The following ZNF292 variants were observed in gnomAD, a reference collection of about 807,000 sequenced individuals.
ZNF292 encodes the protein zinc finger protein 292.
In ZNF292, 26 loss-of-function variants were observed where a neutral mutation model predicts 217.9. That is an observed-to-expected ratio of 0.12 (90% CI 0.09 to 0.17). The LOEUF (loss-of-function observed/expected upper bound fraction) is 0.17, where lower values mean the gene tolerates loss of function less well. Among genes scored for constraint, ZNF292 ranks in the 10% least tolerant of loss-of-function variants. The probability of loss-of-function intolerance (pLI) is 1.00; values close to 1 mark genes in which losing one functional copy is unlikely to be tolerated. For missense variants in ZNF292, 2,904 were observed against 3,175.2 expected (o/e 0.91, Z 2.05); for synonymous variants, 1,257 against 1,124.1 (o/e 1.12, Z -2.37).
intron 1 of ZNF292, among the ~76,000 whole-genome samples, chr6:87,180,386 G>C (rs538565074): frequency 1.3e-5 from 2 of 152,022 alleles, no homozygotes; most frequent in South Asian, 2.1e-4. Flanking sequence ...CAGTAGTGTG[G>C]CTATGGATAT....
chr6:87,218,225 TTTA>T (rs1772887601), intron 3 of ZNF292, among the ~76,000 whole-genome samples: 1 of 152,174 alleles, frequency 6.6e-6, no homozygotes, highest in African/African-American at 2.4e-5. Flanking sequence ...TGCAAATCTT[TTTA>T]TTAATGGTAG....
rs920463275 is a variant in ZNF292, at chr6:87,260,089, A to C, written c.6460A>C (p.Ser2154Arg). 5.6e-6 allele frequency: 9 copies of C among 1,613,488 alleles called. No individual in the cohort carries two copies. Among genetic ancestry groups the C allele is most frequent in the Non-Finnish European group, 7.6e-6 (9 of 1,179,648 alleles). ...ATTTTCAGCAGAGGTCGAAGAGGAA[A>C]GTGAAGCTGGTAAAGAAAGTGAAGA... ...PAFSAEVEEE[S>R]EAGKESEETE... Residue 2154 changes from serine (S) to arginine (R), a missense_variant, in exon 8 of 8, where the codon AGT (serine) becomes CGT (arginine). By Grantham distance (110) the Ser-to-Arg change is moderately radical. This residue lies in a region of ZNF292 where 261 missense variants were observed against 272.8 expected (regional missense o/e 0.96). Transcript: ENST00000369577.
chr6:87,157,045 T>C (rs1770566657), intron 1 of ZNF292, among the ~76,000 whole-genome samples: 1 of 152,238 alleles, frequency 6.6e-6, no homozygotes. Flanking sequence ...TAGATTACAT[T>C]TTCACTTATT....
At chr6:87,243,702 T>C in intron 6 of ZNF292, 91 bp downstream of exon 6, 1 of 1,199,324 alleles carries the variant, frequency 8.3e-7, no homozygotes, top group Non-Finnish European at 1.1e-6. Context: ...GAACATAATT[T>C]AAAATCTTTT....
chr6:87,244,424 G>C (rs1774465139), intron 6 of ZNF292, among the ~76,000 whole-genome samples: 1 of 152,238 alleles, frequency 6.6e-6, no homozygotes, highest in Non-Finnish European at 1.5e-5. Flanking sequence ...ATGAAAATCA[G>C]TGATGACTAA....
Position 87,186,409 on chromosome 6 carries a change from C to CCT in ZNF292, c.169-29491_169-29490dup, listed in dbSNP as rs538472672. On this transcript the variant is annotated intron_variant, in intron 1 of 7. Coordinates refer to ENST00000369577, the MANE Select transcript of ZNF292 (RefSeq NM_015021.3). ...TTTCATTCCCTCTTAGTTCTCCAGT[C>CCT]CTCTTTCTCAAGTAGCTGATGTTCT... is the stretch of plus-strand genomic sequence containing the variant. Among the ~76,000 whole-genome samples the CCT allele has an allele frequency of 1.0e-3, 157 of 152,326 alleles. 1 individual carries two copies. The highest frequency in any genetic ancestry group is 3.6e-3 in the African/African-American group (151 of 41,564).
chr6:87,223,748 C>G (rs987307994), intron 4 of ZNF292: 3 of 152,032 alleles, frequency 2.0e-5, no homozygotes, highest in Non-Finnish European at 4.4e-5. Context: ...TCTTGTGTCC[C>G]TCATCAATGG....
In ZNF292 at chr6:87,245,645, G is replaced by T; in HGVS notation, c.1020+1G>T. On this transcript the variant is annotated splice_donor_variant, in intron 7 of 7. Transcript: ENST00000369577. LOFTEE classifies it high-confidence loss of function. ...CCTGATTAAAGTTATTAATTCAGAG[G>T]TAAGAATAATCAGAATATTTTTAAG... 6.9e-7 allele frequency: 1 copy of T among 1,449,734 alleles called. No individual in the cohort carries two copies. Among genetic ancestry groups the T allele is most frequent in the Non-Finnish European group, 9.4e-7 (1 of 1,062,676 alleles). The allele number at this position is 1,449,734 out of a possible 1,614,324, so 89.8% of individuals were successfully genotyped here.
chr6:87,184,495 G>A (rs1474850122), intron 1 of ZNF292, among the ~76,000 whole-genome samples: 2 of 142,324 alleles, frequency 1.4e-5, no homozygotes, highest in African/African-American at 5.5e-5. Context: ...TTTTTTGAGG[G>A]GACAGTTCCG....
chr6:87,235,250 T>A (rs887021494), intron 5 of ZNF292, among the ~76,000 whole-genome samples: 5 of 152,266 alleles, frequency 3.3e-5, no homozygotes, highest in South Asian at 2.1e-4. Flanking sequence ...GTAACATTTT[T>A]AAAAAAATCA....
chr6:87,234,837 CCA>C (rs1773823181), intron 5 of ZNF292, among the ~76,000 whole-genome samples: 1 of 152,014 alleles, frequency 6.6e-6, no homozygotes, highest in East Asian at 1.9e-4. Flanking sequence ...AAGCTCAGTG[CCA>C]CATGAGGTTT....
intron 1 of ZNF292, among the ~76,000 whole-genome samples, chr6:87,195,222 T>C (rs982180763): frequency 6.6e-6 from 1 of 152,176 alleles, no homozygotes; most frequent in Admixed American, 6.5e-5. Flanking sequence ...GTGCAAAAGA[T>C]AGTAAAAGGA....
intron 4 of ZNF292, among the ~76,000 whole-genome samples, chr6:87,229,751 G>T (rs1343796944): frequency 1.3e-5 from 2 of 152,130 alleles, no homozygotes; most frequent in African/African-American, 2.4e-5. Flanking sequence ...TTCTAAGAGA[G>T]AATACAAATT....
At position 87,167,194 on chromosome 6, in the gene ZNF292, G is replaced by A. The variant is rs1770946649; in HGVS notation, c.168+11435G>A. Among the ~76,000 whole-genome samples, 3 of 152,308 alleles carry A rather than the reference G, an allele frequency of 2.0e-5. No homozygotes were observed. In the South Asian group the frequency reaches 6.2e-4, roughly 32 times the overall value. ...TATTCCATTAGCAGTTACTTGGTGC[G>A]TGATTTGTGGCAGACACTGTACTAT... is the stretch of plus-strand genomic sequence containing the variant. On this transcript the variant is annotated intron_variant, in intron 1 of 7. Transcript: ENST00000369577.
intron 4 of ZNF292, among the ~76,000 whole-genome samples, chr6:87,227,261 C>T (rs567763569): frequency 6.2e-4 from 95 of 152,236 alleles, no homozygotes; most frequent in Non-Finnish European, 1.1e-3. Context: ...TTAGAATTAC[C>T]TGGAGAGGTT....
intron 1 of ZNF292, among the ~76,000 whole-genome samples, chr6:87,163,383 A>G (rs1223545502): frequency 1.3e-5 from 2 of 152,082 alleles, no homozygotes; most frequent in South Asian, 2.1e-4. Flanking sequence ...CCCAGGAGGC[A>G]GAACTTGCAG....
At chr6:87,193,754 C>G (rs1162030134) in intron 1 of ZNF292, among the ~76,000 whole-genome samples, 7 of 152,140 alleles carry the variant, frequency 4.6e-5, no homozygotes. Flanking sequence ...AAATTACTTT[C>G]AGGCTAAGTG....
At chr6:87,247,213 A>G (rs1407361036) in intron 7 of ZNF292, among the ~76,000 whole-genome samples, 1 of 150,462 alleles carries the variant, frequency 6.6e-6, no homozygotes, top group Non-Finnish European at 1.5e-5. Context: ...CTTCTTGTCT[A>G]CTTGGGTAGG....
chr6:87,232,092 A>T (rs915856786), intron 4 of ZNF292, among the ~76,000 whole-genome samples: 1 of 152,096 alleles, frequency 6.6e-6, no homozygotes, highest in African/African-American at 2.4e-5. Context: ...CTTACCCTTT[A>T]TGCCTTTTAG....
Sources: gnomAD v4.1 joint callset for allele counts (sites outside exome capture counted in the v4.1 genomes callset) on GRCh38, gnomAD v4.1.1 for gene constraint, gnomAD v4.1.1 regional missense constraint, MANE v1.5 for transcripts, NCBI Gene and HGNC (gene_info 2026-07-23, HGNC 2026-07-21) for gene names.